C9orf153: variants seen among roughly 807,000 people sequenced by gnomAD.
The protein encoded by C9orf153 is chromosome 9 open reading frame 153.
Under a neutral mutation model 9.0 loss-of-function variants are expected in C9orf153, and 10 were observed. The ratio of observed to expected loss-of-function variants is 1.11; its 90% CI spans 0.69 to 1.89. The LOEUF is 1.89. Among genes scored for constraint, C9orf153 ranks in the 40% most tolerant of loss-of-function variants. The pLI, the probability that C9orf153 is intolerant of heterozygous loss-of-function variation, is 0.00. For missense variants in C9orf153, 108 were observed against 111.0 expected (o/e 0.97, Z 0.12); for synonymous variants, 35 against 37.3 (o/e 0.94, Z 0.23).
At chr9:86,243,655 G>A (rs1303992737) in intron 1 of C9orf153, among the ~76,000 whole-genome samples, 1 of 152,058 alleles carries the variant, frequency 6.6e-6, no homozygotes, top group Non-Finnish European at 1.5e-5. Flanking sequence ...CATTTAGCAA[G>A]CCACATCGCC....
chr9:86,254,023 A>G (rs1329619312), intron 1 of C9orf153, among the ~76,000 whole-genome samples: 2 of 149,368 alleles, frequency 1.3e-5, no homozygotes, highest in African/African-American at 2.5e-5. Context: ...CCTGGGAGGC[A>G]GAGGTTGCAG....
At chr9:86,257,554 T>G (rs78308436) in intron 1 of C9orf153, among the ~76,000 whole-genome samples, 2,312 of 152,348 alleles carry the variant, frequency 0.015, 24 homozygotes, top group Admixed American at 0.027. Flanking sequence ...TGGACTTTCC[T>G]GGCTGATTTC....
At chr9:86,249,475 C>T (rs1490121698) in intron 1 of C9orf153, among the ~76,000 whole-genome samples, 1 of 151,926 alleles carries the variant, frequency 6.6e-6, no homozygotes, top group African/African-American at 2.4e-5. Context: ...AACTAGCTCA[C>T]ATTTGCTATT....
chr9:86,242,685 C>G (rs553125707), intron 1 of C9orf153, among the ~76,000 whole-genome samples: 1 of 152,032 alleles, frequency 6.6e-6, no homozygotes, highest in African/African-American at 2.4e-5. Flanking sequence ...GAAGGACGCA[C>G]GCCACTTTTT....
At chr9:86,223,303 C>T (rs1824246336) in intron 3 of C9orf153, among the ~76,000 whole-genome samples, 1 of 152,014 alleles carries the variant, frequency 6.6e-6, no homozygotes, top group Non-Finnish European at 1.5e-5. Context: ...CCTGGTCCTA[C>T]CAAAAATACA....
chr9:86,249,969 C>T (rs1808050445), intron 1 of C9orf153, among the ~76,000 whole-genome samples: 2 of 152,090 alleles, frequency 1.3e-5, no homozygotes, highest in South Asian at 4.1e-4. Context: ...ATTACCCTAC[C>T]ACTCAATGGG....
chr9:86,252,034 T>TTTTG (rs1371094155), intron 1 of C9orf153, among the ~76,000 whole-genome samples: 2 of 151,872 alleles, frequency 1.3e-5, no homozygotes, highest in Non-Finnish European at 2.9e-5. Context: ...GTCTTTTTTG[T>TTTTG]TTTGTTTTGT....
intron 1 of C9orf153, among the ~76,000 whole-genome samples, chr9:86,248,274 C>T (rs1430476040): frequency 6.6e-6 from 1 of 151,964 alleles, no homozygotes; most frequent in Admixed American, 6.6e-5. Context: ...GCTGGGATTA[C>T]AGGTGCCTGC....
At chr9:86,222,771 T>C (rs1824235959) in intron 3 of C9orf153, among the ~76,000 whole-genome samples, 1 of 152,020 alleles carries the variant, frequency 6.6e-6, no homozygotes, top group Non-Finnish European at 1.5e-5. Flanking sequence ...CGGGAACAAG[T>C]ATAAGGAGAA....
At chr9:86,248,570 T>C (rs759840958) in intron 1 of C9orf153, among the ~76,000 whole-genome samples, 6 of 152,190 alleles carry the variant, frequency 3.9e-5, no homozygotes, top group Non-Finnish European at 8.8e-5. Flanking sequence ...TGTTGAATGC[T>C]GAGTTGGGGG....
intron 1 of C9orf153, among the ~76,000 whole-genome samples, chr9:86,254,241 A>G (rs1212393569): frequency 2.6e-5 from 4 of 152,082 alleles, no homozygotes; most frequent in South Asian, 2.1e-4. Flanking sequence ...TACCTTGTCC[A>G]TTGTTTTTGC....
intron 1 of C9orf153, among the ~76,000 whole-genome samples, chr9:86,237,161 C>T (rs910461236): frequency 9.9e-5 from 15 of 151,150 alleles, no homozygotes; most frequent in Admixed American, 2.6e-4. Context: ...AGGGCAACCA[C>T]TAAAAAGTAA....
At chr9:86,236,157 T>C (rs1824581395) in intron 1 of C9orf153, among the ~76,000 whole-genome samples, 1 of 151,898 alleles carries the variant, frequency 6.6e-6, no homozygotes, top group South Asian at 2.1e-4. Flanking sequence ...TCAAAAAGCA[T>C]GCAAAGAAGC....
At chr9:86,229,356 C>A (rs1824411293) in intron 2 of C9orf153, among the ~76,000 whole-genome samples, 182 bp downstream of exon 2, 1 of 152,006 alleles carries the variant, frequency 6.6e-6, no homozygotes, top group Admixed American at 6.6e-5. Flanking sequence ...AGCACTTCTG[C>A]CCACCTGCCC....
At chr9:86,235,597 A>T (rs1437431555) in intron 1 of C9orf153, among the ~76,000 whole-genome samples, 1 of 151,960 alleles carries the variant, frequency 6.6e-6, no homozygotes, top group Admixed American at 6.6e-5. Context: ...TCTACTAAAA[A>T]TACAAAAATT....
chr9:86,234,426 G>A (rs1369658697), intron 1 of C9orf153, among the ~76,000 whole-genome samples: 5 of 152,174 alleles, frequency 3.3e-5, no homozygotes, highest in African/African-American at 9.7e-5. Flanking sequence ...ATGGTGAATC[G>A]ATTTTCTGAC....
chr9:86,228,114 A>G (rs1824383784), intron 2 of C9orf153, 84 bp from the exon 3 acceptor site: 3 of 979,416 alleles, frequency 3.1e-6, no homozygotes, highest in South Asian at 1.8e-5. Flanking sequence ...AGAAAAAACC[A>G]TAGGACAATA....
intron 1 of C9orf153, 44 bp downstream of exon 1, chr9:86,259,506 G>C (rs1019419979): frequency 1.3e-5 from 2 of 152,202 alleles, no homozygotes; most frequent in Non-Finnish European, 2.9e-5. Flanking sequence ...TCACTGCTCT[G>C]TGGTCTCACA....
At chr9:86,226,534 G>A (rs527498560) in intron 3 of C9orf153, among the ~76,000 whole-genome samples, 12 of 151,846 alleles carry the variant, frequency 7.9e-5, no homozygotes, top group Non-Finnish European at 1.6e-4. Flanking sequence ...ATATTGCCCC[G>A]TCCCACTACT....
Sources: gnomAD v4.1 joint callset for allele counts (sites outside exome capture counted in the v4.1 genomes callset) on GRCh38, gnomAD v4.1.1 for gene constraint, MANE v1.5 for transcripts, NCBI Gene and HGNC (gene_info 2026-07-23, HGNC 2026-07-21) for gene names.